Variants in GOLGA4 observed in about 807,000 individuals in gnomAD.
GOLGA4 encodes golgin subfamily A member 4.
In GOLGA4, 169 loss-of-function variants were observed where a neutral mutation model predicts 265.9. The observed-to-expected ratio is 0.64, with a 90% CI of 0.56 to 0.72. The LOEUF is 0.72. GOLGA4 is among the 30% of genes least tolerant of loss of function. GOLGA4 has a pLI of 0.00. For missense variants in GOLGA4, 2,482 were observed against 2,483.4 expected (o/e 1.00, Z 0.01); for synonymous variants, 923 against 855.8 (o/e 1.08, Z -1.37).
chr3:37,311,821 A>T (rs6787065), intron 10 of GOLGA4, among the ~76,000 whole-genome samples: 5,874 of 152,330 alleles, frequency 0.039, 146 homozygotes, highest in African/African-American at 0.056. Flanking sequence ...TCGACTGTAT[A>T]TAGAAGAATA....
chr3:37,311,104 G>A (rs1330079473), intron 10 of GOLGA4, among the ~76,000 whole-genome samples: 1 of 152,162 alleles, frequency 6.6e-6, no homozygotes, highest in Non-Finnish European at 1.5e-5. Flanking sequence ...AAGGTCAGGT[G>A]AGATGTTTCT....
chr3:37,313,492 A>C (rs781242343), intron 10 of GOLGA4: 70 of 152,176 alleles, frequency 4.6e-4, no homozygotes, highest in Non-Finnish European at 4.3e-4. Flanking sequence ...TCGGTGAACA[A>C]CTGTCTCCCT....
At chr3:37,342,760 C>T (rs1239542265) in intron 20 of GOLGA4, among the ~76,000 whole-genome samples, 2 of 152,132 alleles carry the variant, frequency 1.3e-5, no homozygotes, top group African/African-American at 4.8e-5. Context: ...ATTGCTAAGT[C>T]ATAGGATATG....
intron 3 of GOLGA4, among the ~76,000 whole-genome samples, chr3:37,283,802 T>C (rs745615356): frequency 2.0e-5 from 3 of 152,142 alleles, no homozygotes; most frequent in Non-Finnish European, 2.9e-5. Context: ...GCTGTTCTTA[T>C]AGGCATGAGC....
intron 10 of GOLGA4, among the ~76,000 whole-genome samples, chr3:37,303,027 A>C (rs1419220377): frequency 5.3e-5 from 8 of 152,244 alleles, no homozygotes; most frequent in African/African-American, 1.7e-4. Context: ...GCCTAACAAG[A>C]GAGGTGTGGG....
At position 37,243,502 on chromosome 3, in the gene GOLGA4, C is replaced by G. The variant is rs1408872145; in HGVS notation, c.-49C>G. 6.4e-7 allele frequency: 1 copy of G among 1,560,094 alleles called. No individual in the cohort carries two copies. The highest frequency in any genetic ancestry group is 8.8e-7 in the Non-Finnish European group (1 of 1,130,892). The stretch of plus-strand genomic sequence containing the variant: ...CGTCGCGGCCGGGACTCCCCGGGCT[C>G]TCGCCCTTCAGGTTTCGTTGACACT... On this transcript the variant is annotated 5_prime_UTR_variant, in exon 1 of 24. Transcript: ENST00000361924.
chr3:37,304,647 C>T (rs1019771329), intron 10 of GOLGA4, among the ~76,000 whole-genome samples: 1 of 152,088 alleles, frequency 6.6e-6, no homozygotes, highest in Non-Finnish European at 1.5e-5. Flanking sequence ...TTTTAAAATT[C>T]AGTGTACTTA....
At chr3:37,250,983 CT>C (rs536524238) in intron 1 of GOLGA4, among the ~76,000 whole-genome samples, 14 of 147,668 alleles carry the variant, frequency 9.5e-5, no homozygotes, top group Non-Finnish European at 1.1e-4. Context: ...AATTGCCAGC[CT>C]TTTTTTTTTA....
chr3:37,355,294 A>G lies in GOLGA4; in HGVS notation c.6663+107A>G, dbSNP rs74413368. 1.4e-3 allele frequency: 908 copies of G among 660,298 alleles called. 10 individuals carry two copies. In the African/African-American group the frequency reaches 0.014, roughly 10 times the overall value. The allele number at this position is 660,298 out of a possible 1,614,324, so 40.9% of individuals were successfully genotyped here. ...TGGTAAAATAAATTTTAAGATTTCA[A>G]ATCTTTATTATATCACAGCCTGAAA... On this transcript the variant is annotated intron_variant, in intron 22 of 23. Coordinates refer to ENST00000361924, the MANE Select transcript of GOLGA4 (RefSeq NM_002078.5).
At chr3:37,254,105 GTCAA>G (rs753145587) in intron 2 of GOLGA4, among the ~76,000 whole-genome samples, 28 of 151,842 alleles carry the variant, frequency 1.8e-4, no homozygotes, top group Non-Finnish European at 2.6e-4. Flanking sequence ...ATACTATAAT[GTCAA>G]TCAATATACT....
Position 37,321,817 on chromosome 3 carries a change from A to G in GOLGA4, c.1632A>G (p.Lys544=), listed in dbSNP as rs1469865805. 1.9e-6 allele frequency: 3 copies of G among 1,613,408 alleles called. No individual in the cohort carries two copies. The highest frequency in any genetic ancestry group is 2.5e-6 in the Non-Finnish European group (3 of 1,179,720). Residue 544 remains lysine, a synonymous_variant, in exon 13 of 24, where the codon AAA becomes AAG. Transcript: ENST00000361924. ...SLALEELELQ[K]KAILTESENK... ...CCCTAGAAGAGTTAGAGTTGCAGAA[A>G]AAAGCAATCCTCACAGAAAGTGAAA...
chr3:37,339,369 A>T (rs1049943200), intron 19 of GOLGA4, among the ~76,000 whole-genome samples: 4 of 152,188 alleles, frequency 2.6e-5, no homozygotes, highest in Non-Finnish European at 2.9e-5. Context: ...ATTGATATAC[A>T]GGTTTTTGTT....
chr3:37,289,830 T>A (rs2096860262), intron 5 of GOLGA4, among the ~76,000 whole-genome samples: 1 of 152,192 alleles, frequency 6.6e-6, no homozygotes, highest in Admixed American at 6.5e-5. Context: ...GTCAGGTCCA[T>A]CTGATACCTT....
rs747926382 is a variant in GOLGA4 at position 37,324,466 on chromosome 3, A to T, written c.2580A>T (p.Lys860Asn). The change falls in exon 14 of 24, where the codon AAA (lysine) becomes AAT (asparagine). Residue 860 changes from lysine to asparagine, a missense_variant. Transcript: ENST00000361924. ...KDVCTELDAH[K>N]IQVQDLMQQL... ...TTTGTACTGAGTTAGATGCTCACAA[A>T]ATCCAGGTGCAGGACTTAATGCAGC... 1 of 1,614,192 alleles carries T rather than the reference A, an allele frequency of 6.2e-7. No homozygotes were observed. Among genetic ancestry groups the T allele is most frequent in the Non-Finnish European group, 8.5e-7 (1 of 1,180,012 alleles).
intron 16 of GOLGA4, among the ~76,000 whole-genome samples, chr3:37,329,858 A>G (rs1189846504): frequency 6.6e-6 from 1 of 152,160 alleles, no homozygotes; most frequent in Non-Finnish European, 1.5e-5. Flanking sequence ...TCTAAGCCTT[A>G]TTTCACTATA....
Position 37,323,624 on chromosome 3 carries a change from T to A in GOLGA4, c.1738T>A (p.Leu580Ile). The change falls in exon 14 of 24, where the codon TTA becomes ATA. Residue 580 changes from leucine (L) to isoleucine (I), a missense_variant. Physicochemically the swap from Leu to Ile is conservative, Grantham distance 5. Transcript: ENST00000361924. Reference protein sequence around the residue: ...LELESSLEKSLQENKNQSKDL... With the variant: ...LELESSLEKSIQENKNQSKDL... The stretch of plus-strand genomic sequence containing the variant: ...ATTGGAAAGTTCTTTGGAAAAAAGC[T>A]TACAAGAAAACAAAAATCAGTCAAA... 1 of 1,577,034 alleles carries A rather than the reference T, an allele frequency of 6.3e-7. No homozygotes were observed. Among genetic ancestry groups the A allele is most frequent in the South Asian group, 1.2e-5 (1 of 84,282 alleles).
intron 2 of GOLGA4, among the ~76,000 whole-genome samples, chr3:37,273,811 T>G (rs2096805532): frequency 6.6e-6 from 1 of 152,158 alleles, no homozygotes; most frequent in Admixed American, 6.6e-5. Context: ...TAAAAATTAA[T>G]GCAAGGCCAG....
chr3:37,323,564 A>C, intron 13 of GOLGA4, 24 bp from the exon 14 acceptor site: 1 of 1,448,920 alleles, frequency 6.9e-7, no homozygotes, highest in Non-Finnish European at 9.3e-7. Flanking sequence ...CTTTAATAAA[A>C]ATGCATCTGT....
At position 37,347,286 on chromosome 3, in the gene GOLGA4, G is replaced by C; in HGVS notation, c.6566G>C (p.Arg2189Pro). 1 of 1,569,094 alleles carries C rather than the reference G, an allele frequency of 6.4e-7. No individual in the cohort carries two copies. The highest frequency in any genetic ancestry group is 8.8e-7 in the Non-Finnish European group (1 of 1,139,506). ...GTGCTTTTTGAGTATATGATGGGTC[G>C]TGAGACTAAGGTATAAATCATGTCT... ...RKVLFEYMMG[R>P]ETKTMAKVIT... Residue 2189 changes from arginine (R) to proline (P), a missense_variant, in exon 21 of 24, where the codon CGT becomes CCT. By Grantham distance (103) the Arg-to-Pro change is moderately radical. Around this residue, in one of 3 missense-constraint regions of GOLGA4, gnomAD observed 942 missense variants for 983.1 expected, o/e 0.96. Coordinates refer to ENST00000361924, the MANE Select transcript of GOLGA4 (RefSeq NM_002078.5).
Sources: allele counts gnomAD v4.1 joint callset (sites outside exome capture counted in the v4.1 genomes callset), GRCh38; gene constraint gnomAD v4.1.1; regional missense constraint gnomAD v4.1.1; transcripts MANE v1.5; gene names NCBI Gene and HGNC (gene_info 2026-07-23, HGNC 2026-07-21).